Variants in CSN1S1 observed in about 807,000 individuals in gnomAD.
CSN1S1 encodes casein alpha s1.
CSN1S1 carries 63 observed loss-of-function variants against 49.1 expected under a neutral mutation model. The observed-to-expected ratio is 1.28, with a 90% CI of 1.05 to 1.58. The LOEUF is 1.58. Among genes scored for constraint, CSN1S1 ranks in the 40% most tolerant of loss-of-function variants. The probability of loss-of-function intolerance (pLI) is 0.00; values close to 1 mark genes in which losing one functional copy is unlikely to be tolerated. For synonymous variants in CSN1S1, 78 were observed against 67.1 expected (o/e 1.16, Z -0.79); for missense variants, 260 against 224.7 (o/e 1.16, Z -1.01).
chr4:69,944,723 A>G, intron 14 of CSN1S1, 127 bp from the exon 15 acceptor site: 2 of 1,014,680 alleles, frequency 2.0e-6, no homozygotes, highest in Non-Finnish European at 2.9e-6. Context: ...CTTTTCCCTC[A>G]CAGAGTAATC....
chr4:69,936,821 T>G (rs1722802247), intron 7 of CSN1S1, among the ~76,000 whole-genome samples: 1 of 151,968 alleles, frequency 6.6e-6, no homozygotes, highest in Non-Finnish European at 1.5e-5. Flanking sequence ...AAACAAGGCA[T>G]TAGTGTGAAT....
chr4:69,940,907 A>G (rs934140733), intron 11 of CSN1S1, 112 bp from the exon 12 acceptor site: 8 of 569,620 alleles, frequency 1.4e-5, no homozygotes, highest in African/African-American at 1.2e-4. Context: ...ATAGTTCCTC[A>G]TTCTCTACCC....
chr4:69,946,136 T>C (rs1723158496), intron 15 of CSN1S1, 60 bp from the exon 16 acceptor site: 3 of 458,846 alleles, frequency 6.5e-6, no homozygotes, highest in South Asian at 4.0e-5. Flanking sequence ...CCATAAGAGC[T>C]TTTCTTTTCT....
intron 9 of CSN1S1, among the ~76,000 whole-genome samples, chr4:69,938,519 C>T (rs1022915247): frequency 1.3e-5 from 2 of 151,554 alleles, no homozygotes; most frequent in African/African-American, 4.8e-5. Flanking sequence ...ACCTACTCTA[C>T]AATTATATTT....
intron 15 of CSN1S1, among the ~76,000 whole-genome samples, chr4:69,945,440 AC>A (rs1282946287): frequency 6.6e-6 from 1 of 151,804 alleles, no homozygotes; most frequent in African/African-American, 2.4e-5. Flanking sequence ...TCAAATCCTA[AC>A]CTTTTTGCTT....
rs147629123 is a variant in CSN1S1, at chr4:69,935,975, C to A, written c.129+26C>A. ...GTAAGAATGACTCCACAGAATTTAC[C>A]GTGCAATTAACAAAGAGAAGTAAGT... On this transcript the variant is annotated intron_variant, in intron 5 of 15. Coordinates refer to ENST00000246891, the MANE Select transcript of CSN1S1 (RefSeq NM_001890.2). 3.6e-4 allele frequency: 540 copies of A among 1,518,638 alleles called. 6 individuals are homozygous for A. The East Asian group carries it at 0.012, about 34-fold the overall frequency. 94.1% of individuals were successfully genotyped at this position (1,518,638 alleles called of 1,614,324 possible).
At position 69,934,708 on chromosome 4, in the gene CSN1S1, GA is replaced by G. The variant is rs1298382505; in HGVS notation, c.104del (p.Glu35GlyfsTer5). ...ERLQNPSESS[E>X]PIPLESREEY... The stretch of plus-strand genomic sequence containing the variant: ...TTTACAGAATCCATCAGAGAGCAGT[GA>G]GGTAAGCTCTGTTTATGGGGAGTCA... On this transcript the variant is annotated frameshift_variant and splice_region_variant, in exon 4 of 16. Coordinates refer to ENST00000246891, the MANE Select transcript of CSN1S1 (RefSeq NM_001890.2). LOFTEE classifies it high-confidence loss of function. 1.2e-5 allele frequency: 19 copies of G among 1,609,524 alleles called. No individual in the cohort carries two copies. The highest frequency in any genetic ancestry group is 1.6e-5 in the Non-Finnish European group (19 of 1,176,774).
At chr4:69,938,308 A>C (rs1312220826) in intron 9 of CSN1S1, among the ~76,000 whole-genome samples, 3 of 151,690 alleles carry the variant, frequency 2.0e-5, no homozygotes, top group East Asian at 3.9e-4. Context: ...GTTGGTGCAA[A>C]AGTTATTGTG....
At chr4:69,931,561 G>A (rs1274081928) in intron 1 of CSN1S1, among the ~76,000 whole-genome samples, 1 of 151,754 alleles carries the variant, frequency 6.6e-6, no homozygotes, top group Non-Finnish European at 1.5e-5. Context: ...TCTACAATGT[G>A]AATATCTATT....
intron 15 of CSN1S1, among the ~76,000 whole-genome samples, chr4:69,945,234 A>T (rs1045939266): frequency 6.6e-6 from 1 of 152,016 alleles, no homozygotes; most frequent in South Asian, 2.1e-4. Flanking sequence ...TCTATAAGTG[A>T]TATTTATTCT....
intron 14 of CSN1S1, among the ~76,000 whole-genome samples, chr4:69,944,025 C>A (rs1351646646): frequency 6.6e-6 from 1 of 151,846 alleles, no homozygotes; most frequent in Admixed American, 6.6e-5. Flanking sequence ...CTCTCTCTCT[C>A]GGTCTCTCTA....
At chr4:69,933,409 T>C (rs1722670686) in intron 2 of CSN1S1, among the ~76,000 whole-genome samples, 1 of 151,908 alleles carries the variant, frequency 6.6e-6, no homozygotes, top group East Asian at 1.9e-4. Context: ...ATATAGCCTG[T>C]CATTTACACT....
At chr4:69,938,733 T>C (rs1467307612) in intron 9 of CSN1S1, among the ~76,000 whole-genome samples, 1 of 151,796 alleles carries the variant, frequency 6.6e-6, no homozygotes, top group African/African-American at 2.4e-5. Context: ...TTTAATTTCA[T>C]CTTAAGATTG....
chr4:69,933,583 T>C (rs1459748266), intron 2 of CSN1S1, among the ~76,000 whole-genome samples: 1 of 151,966 alleles, frequency 6.6e-6, no homozygotes, highest in Non-Finnish European at 1.5e-5. Flanking sequence ...GAATGAACTG[T>C]CTGAGCAGTT....
At chr4:69,937,340 A>T (rs1267426742) in intron 8 of CSN1S1, among the ~76,000 whole-genome samples, 196 bp downstream of exon 8, 5 of 149,622 alleles carry the variant, frequency 3.3e-5, no homozygotes, top group Non-Finnish European at 7.4e-5. Flanking sequence ...TTCTATGGAT[A>T]ATGTCACTGA....
chr4:69,934,385 T>C, intron 3 of CSN1S1, 141 bp downstream of exon 3: 2 of 792,926 alleles, frequency 2.5e-6, no homozygotes, highest in Non-Finnish European at 4.1e-6. Context: ...TGTCAGATGG[T>C]ATTTGCTCTC....
rs1378024175 is a variant in CSN1S1 at position 69,942,566 on chromosome 4, C to T, written c.391C>T (p.His131Tyr). The change falls in exon 14 of 16, where the codon CAT becomes TAT. Residue 131 changes from histidine to tyrosine, a missense_variant. Physicochemically the swap from His to Tyr is moderately conservative, Grantham distance 83. Transcript: ENST00000246891. ...EQIRRMNENS[H>Y]VQVPFQQLNQ... The stretch of plus-strand genomic sequence containing the variant: ...AATTCGCAGAATGAATGAAAACAGC[C>T]ATGTCCAAGTGGTAATATTTTGCTT... 6.3e-7 allele frequency: 1 copy of T among 1,586,740 alleles called. No individual in the cohort carries two copies. The highest frequency in any genetic ancestry group is 8.6e-7 in the Non-Finnish European group (1 of 1,164,708).
At chr4:69,935,756 A>G (rs538374866) in intron 4 of CSN1S1, among the ~76,000 whole-genome samples, 170 bp from the exon 5 acceptor site, 1 of 152,124 alleles carries the variant, frequency 6.6e-6, no homozygotes, top group Non-Finnish European at 1.5e-5. Context: ...CTCACTCCTT[A>G]TAATAGAATG....
rs1722843147 is a variant in CSN1S1, at chr4:69,937,899, A to C, written c.243+76A>C. ...ATATGCAGCATGCTTCATTTTAAAA[A>C]GACTGTCTTCTGAAATTAAGCAAAA... On this transcript the variant is annotated intron_variant, in intron 9 of 15. Coordinates refer to ENST00000246891, the MANE Select transcript of CSN1S1 (RefSeq NM_001890.2). 9.9e-6 allele frequency: 10 copies of C among 1,006,784 alleles called. No homozygotes were observed. In the East Asian group the frequency reaches 2.8e-4, roughly 28 times the overall value. 62.4% of individuals were successfully genotyped at this position (1,006,784 alleles called of 1,614,324 possible). A position where few individuals can be genotyped will look rare whatever the true frequency, so the allele number is the denominator to read the frequency against.
Sources: allele counts gnomAD v4.1 joint callset (sites outside exome capture counted in the v4.1 genomes callset), GRCh38; gene constraint gnomAD v4.1.1; transcripts MANE v1.5; gene names NCBI Gene and HGNC (gene_info 2026-07-23, HGNC 2026-07-21).